Variants in RAB31 observed in about 807,000 individuals in gnomAD.
The protein encoded by RAB31 is ras-related protein Rab-31.
Under a neutral mutation model 25.6 loss-of-function variants are expected in RAB31, and 21 were observed. The observed-to-expected ratio is 0.82, with a 90% CI of 0.58 to 1.18. The LOEUF (loss-of-function observed/expected upper bound fraction) is 1.18, where lower values mean the gene tolerates loss of function less well. Ranked by LOEUF, RAB31 falls within the 50% of genes most tolerant of loss-of-function variation. The pLI, the probability that RAB31 is intolerant of heterozygous loss-of-function variation, is 0.00. For missense variants in RAB31, 196 were observed against 250.1 expected, an observed-to-expected ratio of 0.78 and a Z score of 1.46; for synonymous variants, 87 against 84.0, an observed-to-expected ratio of 1.04 and a Z score of -0.20.
chr18:9,858,901 G>A lies in RAB31; in HGVS notation c.491-327G>A, dbSNP rs181381208. On this transcript the variant is annotated intron_variant, in intron 6 of 6. Coordinates refer to ENST00000578921, the MANE Select transcript of RAB31 (RefSeq NM_006868.4). ...TGGGAAGGCAGGGAGAGGGAAGAGC[G>A]CGCTGATGAGCGGAGGCTGGATGGG... is the stretch of plus-strand genomic sequence containing the variant. 2.8e-4 allele frequency among the ~76,000 whole-genome samples: 43 copies of A among 152,322 alleles called. No individual in the cohort carries two copies. The East Asian group carries it at 3.9e-3, about 14-fold the overall frequency.
At chr18:9,737,827 AGG>A in intron 1 of RAB31, among the ~76,000 whole-genome samples, 1 of 152,204 alleles carries the variant, frequency 6.6e-6, no homozygotes, top group African/African-American at 2.4e-5. Flanking sequence ...GAAACCAAGC[AGG>A]GGTCTCTAAA....
intron 1 of RAB31, among the ~76,000 whole-genome samples, chr18:9,762,799 G>T (rs1331440729): frequency 1.3e-5 from 2 of 152,120 alleles, no homozygotes; most frequent in African/African-American, 4.8e-5. Flanking sequence ...GGTGGTGCGG[G>T]CTTCCTTAAG....
At chr18:9,830,888 T>G (rs1416050260) in intron 5 of RAB31, among the ~76,000 whole-genome samples, 1 of 152,214 alleles carries the variant, frequency 6.6e-6, no homozygotes, top group Non-Finnish European at 1.5e-5. Context: ...ATATGTATGC[T>G]GCTTAATTTT....
intron 2 of RAB31, among the ~76,000 whole-genome samples, chr18:9,775,754 C>G (rs2068369159): frequency 6.6e-6 from 1 of 152,134 alleles, no homozygotes; most frequent in East Asian, 1.9e-4. Context: ...TCTGCAAAGT[C>G]TGTGGAGCAG....
At chr18:9,815,247 G>A (rs1390768719) in intron 5 of RAB31, 25 bp downstream of exon 5, 5 of 1,459,802 alleles carry the variant, frequency 3.4e-6, no homozygotes, top group Non-Finnish European at 4.7e-6. Flanking sequence ...AATCTCTTTT[G>A]TGTAGATACT....
chr18:9,735,293 T>G, intron 1 of RAB31: 1 of 168,650 alleles, frequency 5.9e-6, no homozygotes, highest in Non-Finnish European at 1.3e-5. Context: ...GTAGGGATTA[T>G]AGGTGTGAGC....
At chr18:9,854,873 C>T (rs1375586066) in intron 6 of RAB31, among the ~76,000 whole-genome samples, 1 of 152,154 alleles carries the variant, frequency 6.6e-6, no homozygotes, top group African/African-American at 2.4e-5. Context: ...TCAAGTTACT[C>T]ATCTAGATGA....
intron 1 of RAB31, among the ~76,000 whole-genome samples, chr18:9,742,360 G>T (rs983633955): frequency 2.0e-5 from 3 of 152,166 alleles, no homozygotes; most frequent in Non-Finnish European, 2.9e-5. Flanking sequence ...CCTCCCATTT[G>T]TCTGGGCGGA....
chr18:9,843,134 A>C (rs1261603537), intron 5 of RAB31, among the ~76,000 whole-genome samples: 1 of 152,164 alleles, frequency 6.6e-6, no homozygotes, highest in East Asian at 1.9e-4. Context: ...GCCCAGAGGC[A>C]TCCTTGCTTG....
intron 5 of RAB31, among the ~76,000 whole-genome samples, chr18:9,819,691 G>A (rs914477850): frequency 9.2e-5 from 14 of 152,170 alleles, no homozygotes; most frequent in East Asian, 3.9e-4. Flanking sequence ...TAAGTCTTCC[G>A]ATCCATCAGT....
chr18:9,856,722 C>A (rs1599069915), intron 6 of RAB31, among the ~76,000 whole-genome samples: 2 of 152,146 alleles, frequency 1.3e-5, no homozygotes, highest in East Asian at 3.9e-4. Context: ...ATAGTACTGT[C>A]CAAAAATATT....
intron 1 of RAB31, among the ~76,000 whole-genome samples, chr18:9,732,962 G>C (rs2068130976): frequency 6.6e-6 from 1 of 152,182 alleles, no homozygotes; most frequent in Admixed American, 6.5e-5. Flanking sequence ...TGAAACTTGA[G>C]GGTAGGTTAA....
At chr18:9,754,913 CT>C (rs549576062) in intron 1 of RAB31, among the ~76,000 whole-genome samples, 58 of 152,224 alleles carry the variant, frequency 3.8e-4, no homozygotes, top group African/African-American at 1.3e-3. Context: ...ATTACCATAC[CT>C]GCTTGTCTCT....
chr18:9,729,308 A>G (rs2145463800), intron 1 of RAB31, among the ~76,000 whole-genome samples: 1 of 152,190 alleles, frequency 6.6e-6, no homozygotes, highest in East Asian at 1.9e-4. Flanking sequence ...CGGGCGGATC[A>G]CGAGGGGAGG....
At chr18:9,786,061 A>AGC (rs2068430829) in intron 2 of RAB31, among the ~76,000 whole-genome samples, 3 of 127,068 alleles carry the variant, frequency 2.4e-5, no homozygotes, top group Non-Finnish European at 3.4e-5. Flanking sequence ...AGAAAGAGAG[A>AGC]AAGAGAAAGA....
intron 1 of RAB31, among the ~76,000 whole-genome samples, chr18:9,773,402 G>A (rs1406068366): frequency 1.3e-5 from 2 of 151,848 alleles, no homozygotes; most frequent in Non-Finnish European, 2.9e-5. Flanking sequence ...TCATTCTCTC[G>A]ATAAATCACT....
intron 1 of RAB31, among the ~76,000 whole-genome samples, chr18:9,732,939 A>T (rs191028965): frequency 1.4e-3 from 218 of 152,268 alleles, no homozygotes; most frequent in Non-Finnish European, 2.4e-3. Context: ...TTGCTGCAGG[A>T]TGCTTAAAGG....
At chr18:9,772,373 A>G (rs1001102246) in intron 1 of RAB31, among the ~76,000 whole-genome samples, 17 of 152,318 alleles carry the variant, frequency 1.1e-4, no homozygotes, top group Non-Finnish European at 1.9e-4. Context: ...AAGGAATGAA[A>G]AAAAGGAGCA....
chr18:9,795,658 A>G (rs2068483361), intron 3 of RAB31, among the ~76,000 whole-genome samples: 1 of 151,922 alleles, frequency 6.6e-6, no homozygotes, highest in Admixed American at 6.5e-5. Flanking sequence ...ATTATCAGGG[A>G]AATGAAAATC....
Sources: gnomAD v4.1 joint callset for allele counts (sites outside exome capture counted in the v4.1 genomes callset) on GRCh38, gnomAD v4.1.1 for gene constraint, MANE v1.5 for transcripts, NCBI Gene and HGNC (gene_info 2026-07-23, HGNC 2026-07-21) for gene names.